ADAM22: variants seen among roughly 807,000 people sequenced by gnomAD.
ADAM22 encodes disintegrin and metalloproteinase domain-containing protein 22.
ADAM22 carries 65 observed loss-of-function variants against 144.6 expected under a neutral mutation model. The observed-to-expected ratio is 0.45, with a 90% confidence interval of 0.37 to 0.55. The LOEUF is 0.55. Ranked by LOEUF, ADAM22 falls within the 20% of genes least tolerant of loss-of-function variation. ADAM22 has a pLI of 0.00. For synonymous variants in ADAM22, 391 were observed against 412.6 expected, an observed-to-expected ratio of 0.95 and a Z score of 0.63; for missense variants, 974 against 1,184.9, an observed-to-expected ratio of 0.82 and a Z score of 2.61.
At chr7:88,123,910 AT>A (rs1174415593) in intron 7 of ADAM22, among the ~76,000 whole-genome samples, 1 of 151,742 alleles carries the variant, frequency 6.6e-6, no homozygotes, top group Non-Finnish European at 1.5e-5. Context: ...ATACTTGGTT[AT>A]TTTTTTCCAA....
chr7:88,084,492 C>G (rs931685829), intron 4 of ADAM22, among the ~76,000 whole-genome samples: 5 of 152,164 alleles, frequency 3.3e-5, no homozygotes, highest in African/African-American at 9.7e-5. Flanking sequence ...AAATTCTCCT[C>G]TGGGTTTTTC....
chr7:88,083,579 CTTTGTG>C (rs1817537282), intron 4 of ADAM22, among the ~76,000 whole-genome samples: 3 of 110,326 alleles, frequency 2.7e-5, no homozygotes, highest in South Asian at 3.2e-4. Flanking sequence ...TCTCTTTTTA[CTTTGTG>C]TTTGTGTGTG....
chr7:88,031,401 G>T (rs957435019), intron 3 of ADAM22, among the ~76,000 whole-genome samples: 2 of 152,212 alleles, frequency 1.3e-5, no homozygotes, highest in African/African-American at 4.8e-5. Flanking sequence ...TAGTGATATG[G>T]ACAATGAAGT....
chr7:88,029,088 ATGT>A (rs1799665472), intron 3 of ADAM22, among the ~76,000 whole-genome samples: 1 of 151,928 alleles, frequency 6.6e-6, no homozygotes, highest in South Asian at 2.1e-4. Context: ...TTTAAATTCA[ATGT>A]TATTATTGAT....
intron 7 of ADAM22, among the ~76,000 whole-genome samples, chr7:88,117,424 A>G (rs114737109): frequency 0.038 from 5,801 of 152,326 alleles, 137 homozygotes; most frequent in South Asian, 0.073. Flanking sequence ...AAGCTAATTT[A>G]TTTTAGGTTG....
chr7:88,112,081 T>A (rs987519856), intron 5 of ADAM22, among the ~76,000 whole-genome samples: 1 of 152,182 alleles, frequency 6.6e-6, no homozygotes, highest in Non-Finnish European at 1.5e-5. Flanking sequence ...TATGGCTAGT[T>A]CTCAGCAAGG....
Position 87,961,395 on chromosome 7 carries a change from G to C in ADAM22, c.247-16941G>C, listed in dbSNP as rs144131513. Reference sequence around the variant, plus strand: ...CTTGTGGTATTTTTGGTTTCATCCTGTGGTCTCACAGTATTGGATTATCCC... The same window carrying C: ...CTTGTGGTATTTTTGGTTTCATCCTCTGGTCTCACAGTATTGGATTATCCC... On this transcript the variant is annotated intron_variant, in intron 2 of 31. Transcript: ENST00000413139. 1.4e-3 allele frequency among the ~76,000 whole-genome samples: 212 copies of C among 152,286 alleles called. 2 individuals are homozygous for C. The highest frequency in any genetic ancestry group is 4.7e-4 in the Non-Finnish European group (32 of 68,016).
intron 3 of ADAM22, among the ~76,000 whole-genome samples, chr7:88,003,439 C>A (rs962711965): frequency 1.3e-5 from 2 of 152,200 alleles, no homozygotes; most frequent in African/African-American, 4.8e-5. Flanking sequence ...GCTGCTGCAA[C>A]TCAGGTATTC....
At position 88,196,484 on chromosome 7, in the gene ADAM22, C is replaced by T; in HGVS notation, c.2888C>T (p.Ser963Phe). Reference sequence around the variant, plus strand: ...TCTGTTGTGCAGCTATGGGAGACATCCATTTAAGATCAACTGTTTACATGT... The same window carrying T: ...TCTGTTGTGCAGCTATGGGAGACATTCATTTAAGATCAACTGTTTACATGT... Reference protein sequence around the residue: ...NRQSARLWETSI With the variant: ...NRQSARLWETFI Residue 963 changes from serine (S) to phenylalanine (F), a missense_variant, in exon 32 of 32, where the codon TCC becomes TTC. Ser to Phe is a radical substitution (Grantham distance 155). Transcript: ENST00000413139. 5.6e-6 allele frequency: 9 copies of T among 1,614,094 alleles called. No homozygotes were observed. Among genetic ancestry groups the T allele is most frequent in the Non-Finnish European group, 7.6e-6 (9 of 1,180,008 alleles).
At chr7:87,954,198 G>A (rs1365192721) in intron 2 of ADAM22, among the ~76,000 whole-genome samples, 1 of 151,016 alleles carries the variant, frequency 6.6e-6, no homozygotes, top group Non-Finnish European at 1.5e-5. Context: ...ATGTTAGCTG[G>A]TTATTTTGCT....
At chr7:87,948,784 G>A (rs924716562) in intron 2 of ADAM22, among the ~76,000 whole-genome samples, 4 of 152,280 alleles carry the variant, frequency 2.6e-5, no homozygotes, top group East Asian at 1.9e-4. Flanking sequence ...TTGGGGCGCC[G>A]ATAACTTGGG....
intron 5 of ADAM22, among the ~76,000 whole-genome samples, chr7:88,110,171 A>C (rs1182350632): frequency 6.6e-6 from 1 of 152,176 alleles, no homozygotes; most frequent in Non-Finnish European, 1.5e-5. Flanking sequence ...TCCATGCTTA[A>C]TATCAGACAG....
intron 30 of ADAM22, among the ~76,000 whole-genome samples, chr7:88,187,752 C>T (rs969940645): frequency 6.6e-6 from 1 of 152,046 alleles, no homozygotes; most frequent in African/African-American, 2.4e-5. Flanking sequence ...TCTCAGCACC[C>T]GTATAAGGTG....
At chr7:88,161,170 C>A (rs1841517607) in intron 22 of ADAM22, among the ~76,000 whole-genome samples, 1 of 148,088 alleles carries the variant, frequency 6.8e-6, no homozygotes, top group African/African-American at 2.5e-5. Context: ...ATTTCTAATT[C>A]TCAAATAAAT....
At chr7:88,190,794 A>G (rs138495455) in intron 30 of ADAM22, among the ~76,000 whole-genome samples, 69 of 152,222 alleles carry the variant, frequency 4.5e-4, no homozygotes, top group Non-Finnish European at 8.2e-4. Flanking sequence ...CTCTACTCCT[A>G]TTTTGACTCC....
chr7:88,058,753 A>G (rs1808965957), intron 3 of ADAM22, among the ~76,000 whole-genome samples: 1 of 152,244 alleles, frequency 6.6e-6, no homozygotes, highest in Admixed American at 6.5e-5. Flanking sequence ...CTAAGTAGAA[A>G]AAAAGCAGGC....
chr7:87,944,239 A>AAGGTTAGGATG, intron 2 of ADAM22, among the ~76,000 whole-genome samples: 1 of 151,748 alleles, frequency 6.6e-6, no homozygotes, highest in Non-Finnish European at 1.5e-5. Context: ...TAGGCACTTC[A>AAGGTTAGGATG]AGGTTAGGAT....
intron 4 of ADAM22, among the ~76,000 whole-genome samples, chr7:88,083,625 G>A (rs1463889150): frequency 1.3e-5 from 2 of 150,608 alleles, no homozygotes; most frequent in Admixed American, 6.6e-5. Context: ...GTGTGTGTGT[G>A]TGTGTGTGTA....
chr7:88,063,128 C>A (rs1001000783), intron 3 of ADAM22, among the ~76,000 whole-genome samples: 2 of 152,116 alleles, frequency 1.3e-5, no homozygotes, highest in African/African-American at 4.8e-5. Flanking sequence ...CGGATTGTTA[C>A]AAACCTTCAA....
Sources: allele counts gnomAD v4.1 joint callset (sites outside exome capture counted in the v4.1 genomes callset), GRCh38; gene constraint gnomAD v4.1.1; transcripts MANE v1.5; gene names NCBI Gene and HGNC (gene_info 2026-07-23, HGNC 2026-07-21).